LRP1B: variants seen among roughly 807,000 people sequenced by gnomAD.
LRP1B encodes the protein low-density lipoprotein receptor-related protein 1B.
LRP1B carries 217 observed loss-of-function variants against 556.6 expected under a neutral mutation model. That is an observed-to-expected ratio of 0.39 (90% CI 0.35 to 0.44). The LOEUF (loss-of-function observed/expected upper bound fraction) is 0.44. Among genes scored for constraint, LRP1B ranks in the 20% least tolerant of loss-of-function variants. The probability of loss-of-function intolerance (pLI) is 1.00; values close to 1 mark genes in which losing one functional copy is unlikely to be tolerated. For missense variants in LRP1B, 5,053 were observed against 5,620.8 expected (o/e 0.90, Z 3.23); for synonymous variants, 2,047 against 1,865.8 (o/e 1.10, Z -2.50).
At chr2:140,879,796 T>C (rs1396261571) in intron 25 of LRP1B, among the ~76,000 whole-genome samples, 3 of 151,984 alleles carry the variant, frequency 2.0e-5, no homozygotes, top group Non-Finnish European at 2.9e-5. Context: ...GAAACTACAG[T>C]CTACAGATGC....
intron 29 of LRP1B, among the ~76,000 whole-genome samples, chr2:140,849,423 A>C (rs976601976): frequency 1.0e-4 from 15 of 149,942 alleles, no homozygotes; most frequent in Non-Finnish European, 2.2e-4. Flanking sequence ...AAAAAAAAAA[A>C]CAGGGAAGCC....
At chr2:141,243,475 A>G (rs1446966289) in intron 5 of LRP1B, among the ~76,000 whole-genome samples, 1 of 152,172 alleles carries the variant, frequency 6.6e-6, no homozygotes, top group African/African-American at 2.4e-5. Flanking sequence ...GTGTGAGACT[A>G]CATCTCTTAA....
intron 43 of LRP1B, among the ~76,000 whole-genome samples, chr2:140,581,156 G>A (rs1461188443): frequency 6.6e-6 from 1 of 152,168 alleles, no homozygotes; most frequent in Non-Finnish European, 1.5e-5. Context: ...AAGACAGAGT[G>A]GGAGGACCTG....
chr2:141,851,019 A>T (rs1697835994), intron 1 of LRP1B, among the ~76,000 whole-genome samples: 2 of 151,758 alleles, frequency 1.3e-5, no homozygotes, highest in South Asian at 4.1e-4. Flanking sequence ...AAATCCCTTC[A>T]CAAGGAGTGA....
intron 2 of LRP1B, among the ~76,000 whole-genome samples, chr2:141,731,096 A>T (rs1693254128): frequency 1.3e-5 from 2 of 152,128 alleles, no homozygotes; most frequent in Non-Finnish European, 2.9e-5. Context: ...GGCTGCCCCA[A>T]ACAAAGACCA....
chr2:141,735,811 G>T (rs1693443813), intron 2 of LRP1B, among the ~76,000 whole-genome samples: 1 of 152,178 alleles, frequency 6.6e-6, no homozygotes, highest in East Asian at 1.9e-4. Context: ...ATGTCAGCTT[G>T]ATCTAGACTT....
chr2:141,052,758 CTCCCAAGTAGCTGG>C (rs1383846078), intron 10 of LRP1B, among the ~76,000 whole-genome samples: 1 of 152,032 alleles, frequency 6.6e-6, no homozygotes, highest in Non-Finnish European at 1.5e-5. Context: ...CTACTTCAGC[CTCCCAAGTAGCTGG>C]GTCTACAGGA....
intron 2 of LRP1B, among the ~76,000 whole-genome samples, chr2:141,749,832 T>C (rs1460239473): frequency 6.6e-6 from 1 of 152,106 alleles, no homozygotes; most frequent in Non-Finnish European, 1.5e-5. Context: ...TTACTTGCTG[T>C]AAAATATCCT....
chr2:141,549,803 T>A (rs1685684786), intron 2 of LRP1B, among the ~76,000 whole-genome samples: 1 of 152,166 alleles, frequency 6.6e-6, no homozygotes, highest in South Asian at 2.1e-4. Flanking sequence ...GAGACCAGAC[T>A]GGCCAACATG....
chr2:141,477,583 T>C (rs1224000327), intron 3 of LRP1B, among the ~76,000 whole-genome samples: 6 of 152,232 alleles, frequency 3.9e-5, no homozygotes, highest in Non-Finnish European at 7.3e-5. Flanking sequence ...GCAAATCTAA[T>C]GTTGCCCAGT....
At chr2:140,276,941 T>G (rs1188283531) in intron 84 of LRP1B, among the ~76,000 whole-genome samples, 1 of 151,888 alleles carries the variant, frequency 6.6e-6, no homozygotes, top group Non-Finnish European at 1.5e-5. Flanking sequence ...GAAATGATGA[T>G]CTGGAGAGAA....
At chr2:141,408,996 T>C in intron 3 of LRP1B, among the ~76,000 whole-genome samples, 1 of 152,184 alleles carries the variant, frequency 6.6e-6, no homozygotes, top group East Asian at 1.9e-4. Flanking sequence ...CTACATTGGC[T>C]TCTGTGTAAT....
intron 1 of LRP1B, among the ~76,000 whole-genome samples, chr2:141,991,503 T>C (rs541661266): frequency 5.3e-4 from 81 of 152,128 alleles, no homozygotes; most frequent in Non-Finnish European, 1.0e-3. Flanking sequence ...TTCAGATATT[T>C]CAACCTCATA....
chr2:140,286,781 A>G (rs1388808), intron 84 of LRP1B, among the ~76,000 whole-genome samples: 136,428 of 151,640 alleles, frequency 0.9, 62,012 homozygotes, highest in Non-Finnish European at 0.96. Flanking sequence ...AAATATATAT[A>G]ACCTTATGTA....
At chr2:141,551,604 G>A (rs1215836266) in intron 2 of LRP1B, among the ~76,000 whole-genome samples, 1 of 151,914 alleles carries the variant, frequency 6.6e-6, no homozygotes, top group Admixed American at 6.6e-5. Flanking sequence ...ACCTTCCTTG[G>A]AATATATTCA....
chr2:140,813,708 T>G lies in LRP1B; in HGVS notation c.5308A>C (p.Ile1770Leu). 1 of 1,613,112 alleles carries G rather than the reference T, an allele frequency of 6.2e-7. No individual in the cohort carries two copies. Among genetic ancestry groups the G allele is most frequent in the Non-Finnish European group, 8.5e-7 (1 of 1,179,190 alleles). ...GTTAATTCTTCTTTCATTGACTCGA[T>G]TACTTCTAAATTACCACCATCCAGG... is the stretch of plus-strand genomic sequence containing the variant. Reference protein sequence around the residue: ...CNLDGGNLEVIESMKEELTKA... With the variant: ...CNLDGGNLEVLESMKEELTKA... Residue 1770 changes from isoleucine (I) to leucine (L), a missense_variant, in exon 32 of 91, where the codon ATC becomes CTC. Ile to Leu is a conservative substitution (Grantham distance 5). Around this residue, in one of 5 missense-constraint regions of LRP1B, gnomAD observed 3,619 missense variants for 3,931.9 expected, o/e 0.92. Transcript: ENST00000389484.
chr2:140,356,301 C>T (rs371124435), intron 75 of LRP1B, 41 bp downstream of exon 75: 1 of 1,599,292 alleles, frequency 6.3e-7, no homozygotes, highest in South Asian at 1.1e-5. Flanking sequence ...TCTTCATAAC[C>T]CAAAGATTTA....
chr2:140,864,726 G>T (rs182714409), intron 27 of LRP1B, among the ~76,000 whole-genome samples: 1 of 152,052 alleles, frequency 6.6e-6, no homozygotes, highest in Admixed American at 6.6e-5. Flanking sequence ...AGTTAGATTA[G>T]ATGGCTTCGT....
At chr2:140,919,646 C>T (rs974428151) in intron 21 of LRP1B, among the ~76,000 whole-genome samples, 7 of 152,076 alleles carry the variant, frequency 4.6e-5, no homozygotes, top group Admixed American at 3.3e-4. Flanking sequence ...CAGTAAGGTA[C>T]TCAGCTTTAG....
Sources: gnomAD v4.1 joint callset for allele counts (sites outside exome capture counted in the v4.1 genomes callset) on GRCh38, gnomAD v4.1.1 for gene constraint, gnomAD v4.1.1 regional missense constraint, MANE v1.5 for transcripts, NCBI Gene and HGNC (gene_info 2026-07-23, HGNC 2026-07-21) for gene names.